DCP2: variants seen among roughly 807,000 people sequenced by gnomAD.
DCP2 encodes m7GpppN-mRNA hydrolase.
In DCP2, 30 loss-of-function variants were observed where a neutral mutation model predicts 56.1. That is an observed-to-expected ratio of 0.53 (90% CI 0.40 to 0.73). DCP2 has a LOEUF of 0.73. Ranked by LOEUF, DCP2 falls within the 30% of genes least tolerant of loss-of-function variation. DCP2 has a pLI of 0.00. For missense variants in DCP2, 533 were observed against 502.7 expected (o/e 1.06, Z -0.58); for synonymous variants, 197 against 163.3 (o/e 1.21, Z -1.57).
In DCP2 at chr5:113,020,768, AAC is replaced by A. The variant is rs1231389986; in HGVS notation, c.*7286_*7287del. Reference sequence around the variant, plus strand: ...GAAAATGAACAAAATCCTATGTCTTAACAGTTATGCTCTAACTTTTTGAAAGC... The same window carrying A: ...GAAAATGAACAAAATCCTATGTCTTAAGTTATGCTCTAACTTTTTGAAAGC... On this transcript the variant is annotated 3_prime_UTR_variant, in exon 11 of 11. Coordinates refer to ENST00000389063, the MANE Select transcript of DCP2 (RefSeq NM_152624.6). 2 of 152,242 alleles carry A rather than the reference AAC, an allele frequency of 1.3e-5. No homozygotes were observed. Among genetic ancestry groups the A allele is most frequent in the African/African-American group, 4.8e-5 (2 of 41,464 alleles). 9.4% of individuals were successfully genotyped at this position (152,242 alleles called of 1,614,324 possible). A position where few individuals can be genotyped will look rare whatever the true frequency, so the allele number is the denominator to read the frequency against.
chr5:113,000,420 A>ACACACACACACCCACACACC (rs112449298), intron 4 of DCP2, among the ~76,000 whole-genome samples: 1 of 146,652 alleles, frequency 6.8e-6, no homozygotes, highest in African/African-American at 2.5e-5. Context: ...ACACACACAC[A>ACACACACACACCCACACACC]CACACCCACA....
intron 4 of DCP2, among the ~76,000 whole-genome samples, chr5:112,997,288 G>A (rs987864061): frequency 2.6e-5 from 4 of 152,250 alleles, no homozygotes; most frequent in South Asian, 2.1e-4. Flanking sequence ...AGATATTGTC[G>A]AAGGCATAAT....
chr5:112,985,578 A>G (rs1748239629), intron 1 of DCP2, among the ~76,000 whole-genome samples: 1 of 152,194 alleles, frequency 6.6e-6, no homozygotes, highest in African/African-American at 2.4e-5. Context: ...TGAGCTCTTA[A>G]GCTGATCTCT....
At chr5:112,990,008 C>T (rs574678875) in intron 2 of DCP2, among the ~76,000 whole-genome samples, 1 of 152,188 alleles carries the variant, frequency 6.6e-6, no homozygotes, top group East Asian at 1.9e-4. Context: ...ATCCCAGTTT[C>T]TTCCTGAAAA....
intron 4 of DCP2, among the ~76,000 whole-genome samples, chr5:112,999,326 T>G (rs936695667): frequency 1.3e-5 from 2 of 151,982 alleles, no homozygotes; most frequent in African/African-American, 4.8e-5. Context: ...TTTAAACCTT[T>G]TTCTGTTGTT....
chr5:113,010,448 C>G (rs904531817), intron 9 of DCP2, among the ~76,000 whole-genome samples: 1 of 151,978 alleles, frequency 6.6e-6, no homozygotes, highest in South Asian at 2.1e-4. Flanking sequence ...TCAAGTGATC[C>G]GTTTGCTTCA....
chr5:113,003,756 A>G (rs1164367448), intron 7 of DCP2, among the ~76,000 whole-genome samples, 186 bp from the exon 8 acceptor site: 1 of 152,226 alleles, frequency 6.6e-6, no homozygotes, highest in Non-Finnish European at 1.5e-5. Context: ...AATACCAGGC[A>G]CTCATCTGGG....
At chr5:112,994,163 C>CT (rs771514208) in intron 4 of DCP2, among the ~76,000 whole-genome samples, 5,682 of 75,170 alleles carry the variant, frequency 0.076, 235 homozygotes, top group Admixed American at 0.085. Context: ...TTTTTTCTTT[C>CT]TTTTTTTTTT....
rs1430018899 is a variant in DCP2 at position 113,000,079 on chromosome 5, A to AG, written c.433-1005_433-1004insG. On this transcript the variant is annotated intron_variant, in intron 4 of 10. Coordinates refer to ENST00000389063, the MANE Select transcript of DCP2 (RefSeq NM_152624.6). ...TCCATCTCAAAAAAAAAAAAAAAAAAAAAGAAGAAGAAAAACAGGGGTATA... is the reference window on the plus strand; with the variant it reads ...TCCATCTCAAAAAAAAAAAAAAAAAAGAAAGAAGAAGAAAAACAGGGGTATA... Among the ~76,000 whole-genome samples, 11 of 151,192 alleles carry AG rather than the reference A, an allele frequency of 7.3e-5. No homozygotes were observed. The South Asian group carries it at 1.9e-3, about 26-fold the overall frequency.
chr5:113,013,521 G>T lies in DCP2; in HGVS notation c.*37G>T. 2 of 1,608,050 alleles carry T rather than the reference G, an allele frequency of 1.2e-6. No homozygotes were observed. Among genetic ancestry groups the T allele is most frequent in the South Asian group, 1.1e-5 (1 of 90,452 alleles). ...GTATTGTAAATGTCCCAGGATCAGAGACCTGTTGAATTTGAGTGGGTGTCT... is the reference window on the plus strand; with the variant it reads ...GTATTGTAAATGTCCCAGGATCAGATACCTGTTGAATTTGAGTGGGTGTCT... On this transcript the variant is annotated 3_prime_UTR_variant, in exon 11 of 11. Coordinates refer to ENST00000389063, the MANE Select transcript of DCP2 (RefSeq NM_152624.6).
At chr5:113,012,361 A>G (rs917969863) in intron 10 of DCP2, among the ~76,000 whole-genome samples, 11 of 152,332 alleles carry the variant, frequency 7.2e-5, no homozygotes, top group Middle Eastern at 6.8e-3. Context: ...ATCTCGAAAA[A>G]AGGGGCAGCA....
chr5:112,992,027 T>G, intron 2 of DCP2, 94 bp from the exon 3 acceptor site: 3 of 1,508,936 alleles, frequency 2.0e-6, no homozygotes, highest in Non-Finnish European at 2.7e-6. Context: ...TAATTTCACA[T>G]GAAATACACT....
chr5:112,999,875 A>G (rs1201138480), intron 4 of DCP2, among the ~76,000 whole-genome samples: 1 of 151,640 alleles, frequency 6.6e-6, no homozygotes, highest in East Asian at 2.0e-4. Flanking sequence ...AGCCTGGCCA[A>G]CATGGTGAAA....
chr5:112,992,901 CTT>C (rs1274772466), intron 4 of DCP2, 131 bp downstream of exon 4: 161 of 115,074 alleles, frequency 1.4e-3, no homozygotes, highest in Middle Eastern at 2.4e-3. Context: ...AAGTAACTTA[CTT>C]TTTTTTTTTT....
Position 112,985,909 on chromosome 5 carries a change from ATTGGTTTTAC to A in DCP2, c.133_142del (p.Phe45IlefsTer15). 6.2e-7 allele frequency: 1 copy of A among 1,610,468 alleles called. No homozygotes were observed. The highest frequency in any genetic ancestry group is 8.5e-7 in the Non-Finnish European group (1 of 1,177,078). On this transcript the variant is annotated frameshift_variant, in exon 2 of 11. Coordinates refer to ENST00000389063, the MANE Select transcript of DCP2 (RefSeq NM_152624.6). LOFTEE classifies it high-confidence loss of function. ...GTGTGTTTTCAGATTGAACTTGCCC[ATTGGTTTTAC>A]TTGGATTTCTACATGCAGAACACAC...
intron 4 of DCP2, among the ~76,000 whole-genome samples, chr5:112,996,362 C>T (rs970967986): frequency 5.3e-5 from 8 of 152,058 alleles, no homozygotes; most frequent in African/African-American, 1.9e-4. Flanking sequence ...AGATTTTGTT[C>T]TAATTTTCTA....
At chr5:113,003,504 A>C (rs1159519050) in intron 7 of DCP2, among the ~76,000 whole-genome samples, 1 of 152,076 alleles carries the variant, frequency 6.6e-6, no homozygotes, top group African/African-American at 2.4e-5. Flanking sequence ...CGAGCCTGAG[A>C]GGTTGAGGCC....
intron 1 of DCP2, 42 bp from the exon 2 acceptor site, chr5:112,985,793 A>G (rs1205790299): frequency 2.5e-6 from 4 of 1,586,550 alleles, no homozygotes; most frequent in African/African-American, 2.7e-5. Flanking sequence ...AAATCGTTAT[A>G]GTTTGTAAAT....
intron 7 of DCP2, among the ~76,000 whole-genome samples, chr5:113,002,059 G>C (rs538081504): frequency 9.5e-4 from 145 of 152,306 alleles, no homozygotes; most frequent in African/African-American, 3.3e-3. Flanking sequence ...TTGTTTTCTT[G>C]TAGGGGAGAG....
Sources: allele counts gnomAD v4.1 joint callset (sites outside exome capture counted in the v4.1 genomes callset), GRCh38; gene constraint gnomAD v4.1.1; transcripts MANE v1.5; gene names NCBI Gene and HGNC (gene_info 2026-07-23, HGNC 2026-07-21).